Variants in CYP19A1 observed in about 807,000 individuals in gnomAD.
CYP19A1 encodes cytochrome P450 family 19 subfamily A member 1, also known as aromatase.
Under a neutral mutation model 44.4 loss-of-function variants are expected in CYP19A1, and 32 were observed. The observed-to-expected ratio is 0.72, with a 90% CI of 0.54 to 0.97. CYP19A1 has a LOEUF of 0.97. CYP19A1 is among the 50% of genes least tolerant of loss of function. The probability of loss-of-function intolerance (pLI) is 0.00; values close to 1 mark genes in which losing one functional copy is unlikely to be tolerated. For synonymous variants in CYP19A1, 212 were observed against 215.6 expected, an observed-to-expected ratio of 0.98 and a Z score of 0.14; for missense variants, 598 against 637.8, an observed-to-expected ratio of 0.94 and a Z score of 0.67.
chr15:51,226,417 C>G (rs924562793), intron 4 of CYP19A1, among the ~76,000 whole-genome samples: 8 of 152,180 alleles, frequency 5.3e-5, no homozygotes, highest in Non-Finnish European at 8.8e-5. Flanking sequence ...TCTTTTAAGC[C>G]ACTTAGTTTG....
At chr15:51,237,213 A>G (rs1315346636) in intron 2 of CYP19A1, among the ~76,000 whole-genome samples, 2 of 152,228 alleles carry the variant, frequency 1.3e-5, no homozygotes, top group Non-Finnish European at 2.9e-5. Context: ...CTTCTCCATG[A>G]GTAAAAAGGA....
At chr15:51,272,081 C>T (rs2035146440) in intron 1 of CYP19A1, among the ~76,000 whole-genome samples, 1 of 152,206 alleles carries the variant, frequency 6.6e-6, no homozygotes, top group South Asian at 2.1e-4. Context: ...GACACTTTTG[C>T]ACAACCCAGC....
At chr15:51,212,139 G>C in intron 9 of CYP19A1, 181 bp downstream of exon 9, 1 of 652,860 alleles carries the variant, frequency 1.5e-6, no homozygotes, top group South Asian at 1.8e-5. Flanking sequence ...ATCCTTGAAG[G>C]CTTGAGGATG....
intron 1 of CYP19A1, among the ~76,000 whole-genome samples, chr15:51,305,593 C>T (rs1317986500): frequency 2.0e-5 from 3 of 152,078 alleles, no homozygotes; most frequent in African/African-American, 7.2e-5. Context: ...CAGAGTCTCA[C>T]TCTGTCGCCC....
intron 1 of CYP19A1, among the ~76,000 whole-genome samples, chr15:51,328,470 A>G (rs2036647453): frequency 6.6e-6 from 1 of 152,118 alleles, no homozygotes; most frequent in African/African-American, 2.4e-5. Context: ...GATAGTAACA[A>G]ATGCCTCCAC....
chr15:51,270,345 G>A (rs2035078092), intron 1 of CYP19A1, among the ~76,000 whole-genome samples: 1 of 152,188 alleles, frequency 6.6e-6, no homozygotes, highest in Non-Finnish European at 1.5e-5. Context: ...TTTGGTCTCT[G>A]CTTCCTCCCC....
At chr15:51,260,106 T>C (rs2034658138) in intron 1 of CYP19A1, among the ~76,000 whole-genome samples, 1 of 152,202 alleles carries the variant, frequency 6.6e-6, no homozygotes. Flanking sequence ...TCAGCAACTG[T>C]CTCCCAGTGA....
intron 1 of CYP19A1, among the ~76,000 whole-genome samples, chr15:51,296,749 G>T (rs536823738): frequency 6.6e-6 from 1 of 152,096 alleles, no homozygotes; most frequent in Admixed American, 6.5e-5. Context: ...ATTTAAAAAT[G>T]GTGTTCTTAG....
At chr15:51,215,270 A>G in intron 7 of CYP19A1, 38 bp from the exon 8 acceptor site, 1 of 1,613,868 alleles carries the variant, frequency 6.2e-7, no homozygotes, top group Non-Finnish European at 8.5e-7. Flanking sequence ...TGGAAAAGTG[A>G]ATCAAAGTTT....
At chr15:51,235,300 G>A (rs55845908) in intron 3 of CYP19A1, among the ~76,000 whole-genome samples, 12,861 of 152,256 alleles carry the variant, frequency 0.084, 692 homozygotes, top group Admixed American at 0.18. Flanking sequence ...TCACCTGCAG[G>A]CTTTGTTAAA....
In CYP19A1 at chr15:51,228,060, A is replaced by G. The variant is rs558502162; in HGVS notation, c.297-127T>C. 1.1e-4 allele frequency: 82 copies of G among 734,628 alleles called. No homozygotes were observed. In the African/African-American group the frequency reaches 1.4e-3, roughly 12 times the overall value. The allele number at this position is 734,628 out of a possible 1,614,324, so 45.5% of individuals were successfully genotyped here. On this transcript the variant is annotated intron_variant, in intron 3 of 9. Transcript: ENST00000396402. The stretch of plus-strand genomic sequence containing the variant: ...TCCAAATGCAATGTGCATGATTTCT[A>G]GTATTCGGGTTGAATAAGCACTTCT...
intron 2 of CYP19A1, among the ~76,000 whole-genome samples, chr15:51,240,503 C>T (rs2033690828): frequency 6.6e-6 from 1 of 152,100 alleles, no homozygotes; most frequent in South Asian, 2.1e-4. Context: ...TCTGTGCTTC[C>T]CCTAAACCTC....
At position 51,338,566 on chromosome 15, in the gene CYP19A1, T is replaced by G. The variant is rs2036814756; in HGVS notation, c.-110A>C. On this transcript the variant is annotated 5_prime_UTR_variant, in exon 1 of 10. Coordinates refer to ENST00000396402, the MANE Select transcript of CYP19A1 (RefSeq NM_000103.4). ...ATAAGTTCTTCTTCACCTTCCTGTT[T>G]GCCTCCACGTGTTCAGCCCTCCAGA... is the stretch of plus-strand genomic sequence containing the variant. 1 of 152,296 alleles carries G rather than the reference T, an allele frequency of 6.6e-6. No individual in the cohort carries two copies. Among genetic ancestry groups the G allele is most frequent in the Non-Finnish European group, 1.5e-5 (1 of 68,096 alleles). 9.4% of individuals were successfully genotyped at this position (152,296 alleles called of 1,614,324 possible).
At chr15:51,255,121 T>C (rs1030056350) in intron 1 of CYP19A1, among the ~76,000 whole-genome samples, 1 of 152,156 alleles carries the variant, frequency 6.6e-6, no homozygotes, top group Admixed American at 6.5e-5. Flanking sequence ...AGTGACTTAT[T>C]CCAGGGAGAG....
At chr15:51,322,932 T>C (rs1471423955) in intron 1 of CYP19A1, among the ~76,000 whole-genome samples, 1 of 151,992 alleles carries the variant, frequency 6.6e-6, no homozygotes, top group African/African-American at 2.4e-5. Context: ...GGCTGAACTG[T>C]CCCTAAAATG....
At chr15:51,272,453 C>T (rs1013494964) in intron 1 of CYP19A1, among the ~76,000 whole-genome samples, 1 of 152,186 alleles carries the variant, frequency 6.6e-6, no homozygotes, top group Admixed American at 6.5e-5. Context: ...AAACACCACT[C>T]TATGGTGTTG....
chr15:51,312,937 G>A (rs2036342920), intron 1 of CYP19A1: 1 of 152,296 alleles, frequency 6.6e-6, no homozygotes, highest in Admixed American at 6.5e-5. Flanking sequence ...ACTGTTGACT[G>A]GCCTTGAAGA....
At chr15:51,330,094 G>A (rs184881854) in intron 1 of CYP19A1, among the ~76,000 whole-genome samples, 1 of 152,266 alleles carries the variant, frequency 6.6e-6, no homozygotes, top group Admixed American at 6.5e-5. Context: ...GAGCAGGGAG[G>A]GAGCAGGCAC....
chr15:51,212,580 G>T lies in CYP19A1; in HGVS notation c.1022-19C>A. ...CTCTCACCTGTGGAAACAGATAAAA[G>T]GAACAAAGAAGGTAATGTTAGTTTC... On this transcript the variant is annotated intron_variant, in intron 8 of 9. Coordinates refer to ENST00000396402, the MANE Select transcript of CYP19A1 (RefSeq NM_000103.4). 7.1e-7 allele frequency: 1 copy of T among 1,417,436 alleles called. No homozygotes were observed. The allele number at this position is 1,417,436 out of a possible 1,614,324, so 87.8% of individuals were successfully genotyped here.
Sources: gnomAD v4.1 joint callset for allele counts (sites outside exome capture counted in the v4.1 genomes callset) on GRCh38, gnomAD v4.1.1 for gene constraint, MANE v1.5 for transcripts, NCBI Gene and HGNC (gene_info 2026-07-23, HGNC 2026-07-21) for gene names.